IL15RA: variants seen among roughly 807,000 people sequenced by gnomAD.
IL15RA encodes interleukin-15 receptor subunit alpha.
A neutral mutation model predicts 24.2 loss-of-function variants in IL15RA; 26 were observed. That is an observed-to-expected ratio of 1.07 (90% confidence interval 0.79 to 1.49). The LOEUF is 1.49. IL15RA is among the 40% of genes most tolerant of loss of function. The pLI is 0.00. For synonymous variants in IL15RA, 166 were observed against 157.6 expected (o/e 1.05, Z -0.40); for missense variants, 354 against 356.4 (o/e 0.99, Z 0.05).
At position 5,977,482 on chromosome 10, in the gene IL15RA, C is replaced by T. The variant is rs995914515; in HGVS notation, c.11G>A (p.Arg4Gln). ...GAGGGTCCGGCAGCCGCGCGCCCGCCGCGGGGCCATGGCGGCAGCTCCACA... is the reference window on the plus strand; with the variant it reads ...GAGGGTCCGGCAGCCGCGCGCCCGCTGCGGGGCCATGGCGGCAGCTCCACA... MAP[R>Q]RARGCRTLGL... The change falls in exon 1 of 7, where the codon CGG becomes CAG. Residue 4 changes from arginine to glutamine, a missense_variant. Arg to Gln is a conservative substitution (Grantham distance 43). Coordinates refer to ENST00000379977, the MANE Select transcript of IL15RA (RefSeq NM_002189.4). The T allele has an allele frequency of 2.4e-5, 32 of 1,356,526 alleles. No homozygotes were observed. Among genetic ancestry groups the T allele is most frequent in the Admixed American group, 6.9e-5 (2 of 28,788 alleles). The allele number at this position is 1,356,526 out of a possible 1,614,324, so 84.0% of individuals were successfully genotyped here.
At chr10:5,956,785 C>T (rs190016739) in intron 5 of IL15RA, among the ~76,000 whole-genome samples, 5 of 152,244 alleles carry the variant, frequency 3.3e-5, no homozygotes, top group African/African-American at 9.6e-5. Context: ...GCCAAGAGTG[C>T]GATGAGGAGA....
rs1310865950 is a variant in IL15RA, at chr10:5,965,404, TCA to T, written c.283+739_283+740del. Among the ~76,000 whole-genome samples the T allele has an allele frequency of 6.6e-6, 1 of 152,230 alleles. No homozygotes were observed. The highest frequency in any genetic ancestry group is 2.4e-5 in the African/African-American group (1 of 41,462). Reference sequence around the variant, plus strand: ...TTCTCATGGGAAATCCAAACATTTCTCACACTAGCGTGCTCATGAGTGCCCGC... The same window carrying T: ...TTCTCATGGGAAATCCAAACATTTCTCACTAGCGTGCTCATGAGTGCCCGC... On this transcript the variant is annotated intron_variant, in intron 2 of 6. Transcript: ENST00000379977. This position sits in a 1 kb window ranked among gnomAD's most constrained non-coding sequence, Gnocchi z 5.8.
In IL15RA at chr10:5,965,659, C is replaced by A. The variant is rs1564506244; in HGVS notation, c.283+486G>T. On this transcript the variant is annotated intron_variant, in intron 2 of 6. Transcript: ENST00000379977. The surrounding 1 kb of genome is among the most constrained non-coding windows in gnomAD (Gnocchi z 5.8). ...AGGATTTAAACCCAGAATCCTGTGACCCCAGCACCTGTGTGTTTCCAACGC... is the reference window on the plus strand; with the variant it reads ...AGGATTTAAACCCAGAATCCTGTGAACCCAGCACCTGTGTGTTTCCAACGC... Among the ~76,000 whole-genome samples the A allele has an allele frequency of 6.6e-6, 1 of 152,192 alleles. No individual in the cohort carries two copies. The highest frequency in any genetic ancestry group is 2.4e-5 in the African/African-American group (1 of 41,442).
In IL15RA at chr10:5,963,656, G is replaced by A; in HGVS notation, c.382+87C>T. The A allele has an allele frequency of 1.4e-6, 1 of 727,566 alleles. No homozygotes were observed. Among genetic ancestry groups the A allele is most frequent in the South Asian group, 2.3e-5 (1 of 42,818 alleles). The allele number at this position is 727,566 out of a possible 1,614,324, so 45.1% of individuals were successfully genotyped here. ...CCTAAGTCTGCAGTGGCACACCACA[G>A]AGGTCCGTGAGTCTGCAGGATTGGT... On this transcript the variant is annotated intron_variant, in intron 3 of 6. Transcript: ENST00000379977. The surrounding 1 kb of genome is among the most constrained non-coding windows in gnomAD (Gnocchi z 5.3).
chr10:5,958,411 G>T lies in IL15RA; in HGVS notation c.616+1343C>A. ...GCTTTTCGTCTTTTTTTTGAGACAG[G>T]GTCCTGTCCTGTTGCCCAGGCCAGA... On this transcript the variant is annotated intron_variant, in intron 5 of 6. Coordinates refer to ENST00000379977, the MANE Select transcript of IL15RA (RefSeq NM_002189.4). The surrounding 1 kb of genome is among the most constrained non-coding windows in gnomAD (Gnocchi z 4.3). 2.5e-6 allele frequency: 1 copy of T among 404,266 alleles called. No homozygotes were observed. Among genetic ancestry groups the T allele is most frequent in the South Asian group, 1.8e-5 (1 of 56,062 alleles). 25.0% of individuals were successfully genotyped at this position (404,266 alleles called of 1,614,324 possible). A position where few individuals can be genotyped will look rare whatever the true frequency, so the allele number is the denominator to read the frequency against.
In IL15RA at chr10:5,964,793, G is replaced by T. The variant is rs1454545481; in HGVS notation, c.284-952C>A. The stretch of plus-strand genomic sequence containing the variant: ...ACAGGTTCCAGGGAGTCCCAGGACT[G>T]GCAGAGTAAGACCCACCGTGGTTCC... On this transcript the variant is annotated intron_variant, in intron 2 of 6. Transcript: ENST00000379977. The surrounding 1 kb of genome is among the most constrained non-coding windows in gnomAD (Gnocchi z 5.6). Among the ~76,000 whole-genome samples, 2 of 152,182 alleles carry T rather than the reference G, an allele frequency of 1.3e-5. No homozygotes were observed. The highest frequency in any genetic ancestry group is 1.3e-4 in the Admixed American group (2 of 15,274).
chr10:5,953,536 T>A lies in IL15RA; in HGVS notation c.693-330A>T, dbSNP rs1418797488. On this transcript the variant is annotated intron_variant, in intron 6 of 6. Transcript: ENST00000379977. This position sits in a 1 kb window ranked among gnomAD's most constrained non-coding sequence, Gnocchi z 5.3. The stretch of plus-strand genomic sequence containing the variant: ...AGGACAATATGATGAGAATAAATCC[T>A]CTCCAGGTATTTCCAACCTCCCCAT... Among the ~76,000 whole-genome samples, 1 of 151,970 alleles carries A rather than the reference T, an allele frequency of 6.6e-6. No individual in the cohort carries two copies. The highest frequency in any genetic ancestry group is 2.4e-5 in the African/African-American group (1 of 41,352).
intron 6 of IL15RA, among the ~76,000 whole-genome samples, chr10:5,954,831 G>C (rs1273289540): frequency 6.6e-6 from 1 of 152,110 alleles, no homozygotes; most frequent in Non-Finnish European, 1.5e-5. Context: ...GTTATTAATA[G>C]TGATATTTTG....
At position 5,977,401 on chromosome 10, in the gene IL15RA, C is replaced by G. The variant is rs1411049961; in HGVS notation, c.88+4G>C. 5 of 1,315,116 alleles carry G rather than the reference C, an allele frequency of 3.8e-6. No homozygotes were observed. The East Asian group carries it at 1.3e-4, about 33-fold the overall frequency. The allele number at this position is 1,315,116 out of a possible 1,614,324, so 81.5% of individuals were successfully genotyped here. On this transcript the variant is annotated splice_donor_region_variant and intron_variant, in intron 1 of 6. Coordinates refer to ENST00000379977, the MANE Select transcript of IL15RA (RefSeq NM_002189.4). The stretch of plus-strand genomic sequence containing the variant: ...CCCGGGCGCCCCTGCTCCCAGCTCC[C>G]TACCCCGCGTCGCCGGCGGCCGGAG...
intron 6 of IL15RA, among the ~76,000 whole-genome samples, chr10:5,954,187 T>C (rs1448777884): frequency 8.0e-5 from 3 of 37,364 alleles, no homozygotes; most frequent in Non-Finnish European, 1.6e-4. Context: ...TTTTTTTTTT[T>C]CTGAGACAGG....
In IL15RA at chr10:5,952,755, T is replaced by G; in HGVS notation, c.*340A>C. ...GAAAGTTAGGATGAGGGACGGAAGA[T>G]TCGGGGCAGGGTTTTTATTTCATTA... On this transcript the variant is annotated 3_prime_UTR_variant, in exon 7 of 7. Transcript: ENST00000379977. The G allele has an allele frequency of 3.2e-6, 1 of 308,158 alleles. No individual in the cohort carries two copies. Among genetic ancestry groups the G allele is most frequent in the Non-Finnish European group, 6.0e-6 (1 of 166,734 alleles). 19.1% of individuals were successfully genotyped at this position (308,158 alleles called of 1,614,324 possible). A position where few individuals can be genotyped will look rare whatever the true frequency, so the allele number is the denominator to read the frequency against.
At chr10:5,949,458 G>C (rs1833721473), downstream of IL15RA, 1 of 453,126 alleles carries the variant, frequency 2.2e-6, no homozygotes, top group Non-Finnish European at 4.6e-6. This position sits in a 1 kb window ranked among gnomAD's most constrained non-coding sequence, Gnocchi z 4.4. Flanking sequence ...GGGAGGCTGT[G>C]ATTTGGGTCG....
In IL15RA at chr10:5,963,772, T is replaced by C; in HGVS notation, c.353A>G (p.Gln118Arg). ...STVTTAGVTP[Q>R]PESLSPSGKE... is the part of the protein sequence containing the mutation. ...TCCAGAAGGGGAGAGGCTCTCTGGC[T>C]GTGGGGTCACCCCTGCCGTCGTTAC... Residue 118 changes from glutamine (Q) to arginine (R), a missense_variant, in exon 3 of 7, where the codon CAG (glutamine) becomes CGG (arginine). By Grantham distance (43) the Gln-to-Arg change is conservative. Coordinates refer to ENST00000379977, the MANE Select transcript of IL15RA (RefSeq NM_002189.4). This position sits in a 1 kb window ranked among gnomAD's most constrained non-coding sequence, Gnocchi z 5.3. 2 of 1,526,290 alleles carry C rather than the reference T, an allele frequency of 1.3e-6. No homozygotes were observed. The highest frequency in any genetic ancestry group is 1.7e-6 in the Non-Finnish European group (2 of 1,149,552). 94.5% of individuals were successfully genotyped at this position (1,526,290 alleles called of 1,614,324 possible). A position where few individuals can be genotyped will look rare whatever the true frequency, so the allele number is the denominator to read the frequency against.
chr10:5,963,755 G>A lies in IL15RA; in HGVS notation c.370C>T (p.Pro124Ser). The part of the protein sequence containing the change: ...GVTPQPESLS[P>S]SGKEPAASSP... ...CTGACCTTCCTACCTTTTCCAGAAGGGGAGAGGCTCTCTGGCTGTGGGGTC... is the reference window on the plus strand; with the variant it reads ...CTGACCTTCCTACCTTTTCCAGAAGAGGAGAGGCTCTCTGGCTGTGGGGTC... The change falls in exon 3 of 7, where the codon CCT becomes TCT. Residue 124 changes from proline (P) to serine (S), a missense_variant. By Grantham distance (74) the Pro-to-Ser change is moderately conservative. Coordinates refer to ENST00000379977, the MANE Select transcript of IL15RA (RefSeq NM_002189.4). The surrounding 1 kb of genome is among the most constrained non-coding windows in gnomAD (Gnocchi z 5.3). 6.6e-7 allele frequency: 1 copy of A among 1,518,330 alleles called. No homozygotes were observed. The highest frequency in any genetic ancestry group is 8.7e-7 in the Non-Finnish European group (1 of 1,145,012). 94.1% of individuals were successfully genotyped at this position (1,518,330 alleles called of 1,614,324 possible).
At position 5,968,641 on chromosome 10, in the gene IL15RA, G is replaced by A; in HGVS notation, c.89-2302C>T. 1 of 625,210 alleles carries A rather than the reference G, an allele frequency of 1.6e-6. No individual in the cohort carries two copies. The highest frequency in any genetic ancestry group is 1.9e-5 in the South Asian group (1 of 53,760). The allele number at this position is 625,210 out of a possible 1,614,324, so 38.7% of individuals were successfully genotyped here. On this transcript the variant is annotated intron_variant, in intron 1 of 6. Coordinates refer to ENST00000379977, the MANE Select transcript of IL15RA (RefSeq NM_002189.4). The surrounding 1 kb of genome is among the most constrained non-coding windows in gnomAD (Gnocchi z 5.4). ...AGGCCTCTGGTGCTATCTGGTGCTGGAGTGTCAGAGGCTTTTTCTCCATGT... is the reference window on the plus strand; with the variant it reads ...AGGCCTCTGGTGCTATCTGGTGCTGAAGTGTCAGAGGCTTTTTCTCCATGT...
Position 5,973,515 on chromosome 10 carries a change from T to C in IL15RA, c.88+3890A>G, listed in dbSNP as rs1837948772. Among the ~76,000 whole-genome samples the C allele has an allele frequency of 1.3e-5, 2 of 152,218 alleles. No individual in the cohort carries two copies. Among genetic ancestry groups the C allele is most frequent in the South Asian group, 4.1e-4 (2 of 4,828 alleles). On this transcript the variant is annotated intron_variant, in intron 1 of 6. Transcript: ENST00000379977. The surrounding 1 kb of genome is among the most constrained non-coding windows in gnomAD (Gnocchi z 4.5). ...GTATACTGCAACCAACTTAGACACA[T>C]ATGGCTGACTGATGTTCAAAAGGTA...
At position 5,952,797 on chromosome 10, in the gene IL15RA, C is replaced by A; in HGVS notation, c.*298G>T. 1 of 462,752 alleles carries A rather than the reference C, an allele frequency of 2.2e-6. No homozygotes were observed. Among genetic ancestry groups the A allele is most frequent in the Non-Finnish European group, 3.8e-6 (1 of 261,988 alleles). The allele number at this position is 462,752 out of a possible 1,614,324, so 28.7% of individuals were successfully genotyped here. A position where few individuals can be genotyped will look rare whatever the true frequency, so the allele number is the denominator to read the frequency against. Reference sequence around the variant, plus strand: ...ATTTCATTACCACATGTATTCCAGGCAGCTCACACTGTAATGAAATAAAAA... The same window carrying A: ...ATTTCATTACCACATGTATTCCAGGAAGCTCACACTGTAATGAAATAAAAA... On this transcript the variant is annotated 3_prime_UTR_variant, in exon 7 of 7. Coordinates refer to ENST00000379977, the MANE Select transcript of IL15RA (RefSeq NM_002189.4).
chr10:5,975,622 C>T lies in IL15RA; in HGVS notation c.88+1783G>A, dbSNP rs1838314463. On this transcript the variant is annotated intron_variant, in intron 1 of 6. Coordinates refer to ENST00000379977, the MANE Select transcript of IL15RA (RefSeq NM_002189.4). The surrounding 1 kb of genome is among the most constrained non-coding windows in gnomAD (Gnocchi z 4.8). ...AAAACAACGGCTGGGCAAGCTGGCT[C>T]ACGCCTGTAATCCCAGCACTTTGGA... Among the ~76,000 whole-genome samples the T allele has an allele frequency of 1.3e-5, 2 of 152,108 alleles. No individual in the cohort carries two copies. The highest frequency in any genetic ancestry group is 1.3e-4 in the Admixed American group (2 of 15,272).
chr10:5,956,427 A>G lies in IL15RA; in HGVS notation c.644T>C (p.Leu215Pro). 1 of 1,614,150 alleles carries G rather than the reference A, an allele frequency of 6.2e-7. No individual in the cohort carries two copies. The highest frequency in any genetic ancestry group is 1.6e-4 in the Middle Eastern group (1 of 6,062). The change falls in exon 6 of 7, where the codon CTG (leucine) becomes CCG (proline). Residue 215 changes from leucine to proline, a missense_variant. Transcript: ENST00000379977. The part of the protein sequence containing the change: ...TVAISTSTVL[L>P]CGLSAVSLLA... ...GAGAGACACAGCGCTCAGCCCACAC[A>G]GCAGGACAGTGGACGTGGAGATAGC...
Sources: allele counts gnomAD v4.1 joint callset (sites outside exome capture counted in the v4.1 genomes callset), GRCh38; gene constraint gnomAD v4.1.1; non-coding constraint Gnocchi (gnomAD v3.1); transcripts MANE v1.5; gene names NCBI Gene and HGNC (gene_info 2026-07-23, HGNC 2026-07-21).